Variants in SP140 observed in about 807,000 individuals in gnomAD.
SP140 encodes the protein nuclear body protein SP140.
A neutral mutation model predicts 125.0 loss-of-function variants in SP140; 81 were observed. That is an observed-to-expected ratio of 0.65 (90% CI 0.54 to 0.78). SP140 has a LOEUF of 0.78. SP140 is among the 30% of genes least tolerant of loss of function. The probability of loss-of-function intolerance (pLI) is 0.00; values close to 1 mark genes in which losing one functional copy is unlikely to be tolerated. For missense variants in SP140, 858 were observed against 1,037.0 expected (o/e 0.83, Z 2.37); for synonymous variants, 312 against 354.0 (o/e 0.88, Z 1.33).
chr2:230,235,962 C>T (rs1377542800), intron 1 of SP140, among the ~76,000 whole-genome samples: 13 of 150,938 alleles, frequency 8.6e-5, no homozygotes, highest in East Asian at 3.9e-4. Flanking sequence ...CTGCAAGCTC[C>T]GCCTCCTGGG....
chr2:230,281,691 C>T (rs1407660990), intron 15 of SP140, among the ~76,000 whole-genome samples: 1 of 152,152 alleles, frequency 6.6e-6, no homozygotes, highest in Non-Finnish European at 1.5e-5. Context: ...ATTTATTTCA[C>T]ACAGCATGTT....
At chr2:230,217,064 G>A in intron 3 of SP140, 1 of 659,118 alleles carries the variant, frequency 1.5e-6, no homozygotes, top group South Asian at 1.7e-5. Context: ...TGGCCAACAT[G>A]GTGAAACTCT....
chr2:230,192,082 C>A, the SP140 span, among the ~76,000 whole-genome samples: 1 of 152,086 alleles, frequency 6.6e-6, no homozygotes, highest in African/African-American at 2.4e-5. Flanking sequence ...TAAAATTCTA[C>A]ATCCCTTCAT....
intron 22 of SP140, among the ~76,000 whole-genome samples, chr2:230,307,990 T>TATATATATATAA: frequency 1.9e-5 from 1 of 52,640 alleles, no homozygotes; most frequent in Non-Finnish European, 3.7e-5. Flanking sequence ...TATATATATA[T>TATATATATATAA]ACACACACAC....
At chr2:230,213,130 G>T in intron 1 of SP140, 1 of 1,095,648 alleles carries the variant, frequency 9.1e-7, no homozygotes, top group Non-Finnish European at 1.4e-6. Flanking sequence ...GGGGCATGGA[G>T]CTATTCATTG....
At chr2:230,247,830 C>T (rs1331811483) in intron 7 of SP140, 86 bp from the exon 8 acceptor site, 2 of 1,386,612 alleles carry the variant, frequency 1.4e-6, no homozygotes, top group East Asian at 2.3e-5. Context: ...CACCTTGTTT[C>T]ACTACAATCT....
At chr2:230,269,453 G>A (rs1481339147) in intron 12 of SP140, 79 bp from the exon 13 acceptor site, 4 of 849,832 alleles carry the variant, frequency 4.7e-6, no homozygotes, top group Non-Finnish European at 8.2e-6. Context: ...ATATCAGTGT[G>A]CAGTATAGCA....
chr2:230,248,756 C>T, intron 8 of SP140, 129 bp from the exon 9 acceptor site: 2 of 686,546 alleles, frequency 2.9e-6, no homozygotes, highest in Non-Finnish European at 5.1e-6. Flanking sequence ...GGAGCTGCAA[C>T]AAGGTGGAGA....
At chr2:230,265,086 T>A (rs1290885310) in intron 12 of SP140, among the ~76,000 whole-genome samples, 2 of 150,840 alleles carry the variant, frequency 1.3e-5, no homozygotes, top group African/African-American at 4.9e-5. Flanking sequence ...AGCCGTCAGG[T>A]GGGGGAGGGG....
At chr2:230,207,751 C>T (rs1036804255) in intron 1 of SP140, among the ~76,000 whole-genome samples, 1 of 152,196 alleles carries the variant, frequency 6.6e-6, no homozygotes, top group Admixed American at 6.5e-5. Flanking sequence ...TGAATCCAAG[C>T]CACCAAGAAC....
chr2:230,256,417 A>G (rs1292465892), intron 12 of SP140, among the ~76,000 whole-genome samples: 7 of 151,752 alleles, frequency 4.6e-5, no homozygotes, highest in Non-Finnish European at 1.0e-4. Context: ...GCAAACTATC[A>G]CAAGGACAAA....
chr2:230,265,253 C>G (rs1168463414), intron 12 of SP140, among the ~76,000 whole-genome samples: 1 of 152,044 alleles, frequency 6.6e-6, no homozygotes, highest in Non-Finnish European at 1.5e-5. Flanking sequence ...TGGGGGAAAG[C>G]TGGCAGTCAC....
At chr2:230,191,410 A>C in the SP140 span, among the ~76,000 whole-genome samples, 1 of 152,200 alleles carries the variant, frequency 6.6e-6, no homozygotes, top group Non-Finnish European at 1.5e-5. Context: ...AAGAAGAGAG[A>C]GAAGAATCAA....
intron 22 of SP140, among the ~76,000 whole-genome samples, chr2:230,308,926 T>C (rs575186258): frequency 3.3e-5 from 5 of 152,346 alleles, no homozygotes; most frequent in African/African-American, 4.8e-5. Flanking sequence ...AGTCACAGAC[T>C]GGTTCTTTGT....
At chr2:230,220,678 A>G (rs2045735207) in intron 3 of SP140, among the ~76,000 whole-genome samples, 1 of 152,078 alleles carries the variant, frequency 6.6e-6, no homozygotes, top group Non-Finnish European at 1.5e-5. Flanking sequence ...AAAGATCCCT[A>G]ATGTACATTG....
chr2:230,212,311 C>T, intron 1 of SP140: 1 of 1,499,596 alleles, frequency 6.7e-7, no homozygotes, highest in Non-Finnish European at 9.3e-7. Flanking sequence ...TCACAGTCAC[C>T]TTGAGCTAAG....
intron 3 of SP140, chr2:230,220,217 C>T: frequency 3.8e-6 from 1 of 265,810 alleles, no homozygotes; most frequent in Non-Finnish European, 5.8e-6. Context: ...CATAAGGGTA[C>T]AGCCCCAGCG....
intron 3 of SP140, chr2:230,219,724 A>G (rs2045626223): frequency 6.2e-6 from 1 of 162,132 alleles, no homozygotes; most frequent in African/African-American, 2.4e-5. Context: ...CCCTTTTAAC[A>G]GTCTCCTAAT....
chr2:230,241,978 G>GTC (rs2048792671), intron 4 of SP140, among the ~76,000 whole-genome samples: 2 of 152,166 alleles, frequency 1.3e-5, no homozygotes, highest in South Asian at 4.1e-4. Flanking sequence ...TTTGGATATG[G>GTC]AGAGAGAGGG....
Sources: gnomAD v4.1 joint callset for allele counts (sites outside exome capture counted in the v4.1 genomes callset) on GRCh38, gnomAD v4.1.1 for gene constraint, MANE v1.5 for transcripts, NCBI Gene and HGNC (gene_info 2026-07-23, HGNC 2026-07-21) for gene names.